ZNF148: variants seen among roughly 807,000 people sequenced by gnomAD.
The protein encoded by ZNF148 is Beta-Enolase Repressor Factor-1.
ZNF148 carries 7 observed loss-of-function variants against 67.7 expected under a neutral mutation model. That is an observed-to-expected ratio of 0.10 (90% CI 0.06 to 0.19). The LOEUF (loss-of-function observed/expected upper bound fraction) is 0.19, where lower values mean the gene tolerates loss of function less well. Among genes scored for constraint, ZNF148 ranks in the 10% least tolerant of loss-of-function variants. The pLI is 1.00. For synonymous variants in ZNF148, 333 were observed against 330.7 expected (o/e 1.01, Z -0.08); for missense variants, 583 against 947.1 (o/e 0.62, Z 5.05).
chr3:125,296,958 A>C (rs1350019338), intron 4 of ZNF148, among the ~76,000 whole-genome samples: 2 of 152,074 alleles, frequency 1.3e-5, no homozygotes. Context: ...TACATAGAAA[A>C]AAAAACAAAA....
chr3:125,341,633 A>C (rs1941727666), intron 1 of ZNF148, among the ~76,000 whole-genome samples: 1 of 152,118 alleles, frequency 6.6e-6, no homozygotes, highest in African/African-American at 2.4e-5. Flanking sequence ...GCAAATAAAT[A>C]AAAACTAAAA....
intron 1 of ZNF148, among the ~76,000 whole-genome samples, chr3:125,342,000 G>GAGGA (rs1491297796): frequency 1.3e-5 from 1 of 75,938 alleles, no homozygotes; most frequent in Non-Finnish European, 2.8e-5. Flanking sequence ...GTTTCGGGGC[G>GAGGA]GGGGGGGGAA....
chr3:125,341,187 G>A (rs2107734854), intron 1 of ZNF148, among the ~76,000 whole-genome samples: 1 of 148,774 alleles, frequency 6.7e-6, no homozygotes, highest in Non-Finnish European at 1.5e-5. Context: ...AAAAAAAACA[G>A]CCATAATAAA....
intron 1 of ZNF148, among the ~76,000 whole-genome samples, chr3:125,348,214 G>A (rs1020948187): frequency 1.3e-5 from 2 of 152,044 alleles, no homozygotes; most frequent in African/African-American, 2.4e-5. Context: ...AGCCTTGATC[G>A]TGCCACTGCA....
intron 7 of ZNF148, among the ~76,000 whole-genome samples, chr3:125,251,869 T>C (rs1936855447): frequency 6.6e-6 from 1 of 152,192 alleles, no homozygotes; most frequent in South Asian, 2.1e-4. Flanking sequence ...TCTCCACAGA[T>C]TACCGAAGTG....
At chr3:125,247,928 A>G (rs1020089687) in intron 7 of ZNF148, among the ~76,000 whole-genome samples, 1 of 152,172 alleles carries the variant, frequency 6.6e-6, no homozygotes, top group Non-Finnish European at 1.5e-5. Flanking sequence ...CAAAAAAACC[A>G]TTGTCCTAAT....
At chr3:125,363,638 A>G (rs1380349065) in intron 1 of ZNF148, among the ~76,000 whole-genome samples, 2 of 150,640 alleles carry the variant, frequency 1.3e-5, no homozygotes, top group East Asian at 3.9e-4. Context: ...TACCCAACTT[A>G]TACCCTCAAT....
chr3:125,357,777 A>G (rs1942407755), intron 1 of ZNF148: 1 of 152,262 alleles, frequency 6.6e-6, no homozygotes, highest in African/African-American at 2.4e-5. Context: ...TCCTTAAAGA[A>G]CCAGTTATCA....
intron 1 of ZNF148, among the ~76,000 whole-genome samples, chr3:125,368,674 A>G (rs188229951): frequency 1.1e-4 from 17 of 152,250 alleles, no homozygotes; most frequent in Admixed American, 2.6e-4. Flanking sequence ...GCCGGGTGTG[A>G]TGACTCATGC....
chr3:125,253,572 T>C (rs1383318686), intron 7 of ZNF148, among the ~76,000 whole-genome samples: 2 of 152,188 alleles, frequency 1.3e-5, no homozygotes, highest in Admixed American at 6.5e-5. Context: ...TTGTTATAGA[T>C]GTTTGCTACA....
At position 125,323,578 on chromosome 3, in the gene ZNF148, C is replaced by A; in HGVS notation, c.-152-134G>T. On this transcript the variant is annotated intron_variant, in intron 2 of 8. Transcript: ENST00000360647. ...ATACAGTAAGTTATGACTGAATGAC[C>A]AATGTACTGACTTGTTTTTATGTTT... 6.2e-6 allele frequency: 3 copies of A among 484,568 alleles called. No individual in the cohort carries two copies. In the East Asian group the frequency reaches 9.9e-5, roughly 16 times the overall value. 30.0% of individuals were successfully genotyped at this position (484,568 alleles called of 1,614,324 possible). A position where few individuals can be genotyped will look rare whatever the true frequency, so the allele number is the denominator to read the frequency against.
chr3:125,362,946 C>A (rs1217311050), intron 1 of ZNF148, among the ~76,000 whole-genome samples: 15 of 152,124 alleles, frequency 9.9e-5, no homozygotes, highest in Non-Finnish European at 1.0e-4. Flanking sequence ...CTGGTTGTTT[C>A]TTCTATCTGA....
intron 4 of ZNF148, among the ~76,000 whole-genome samples, chr3:125,308,180 A>G (rs1290337297): frequency 2.6e-5 from 4 of 152,232 alleles, no homozygotes; most frequent in Non-Finnish European, 5.9e-5. Flanking sequence ...TACTATAACT[A>G]ATCAGTAAAG....
chr3:125,286,253 G>C (rs1341873608), intron 5 of ZNF148, among the ~76,000 whole-genome samples: 1 of 152,242 alleles, frequency 6.6e-6, no homozygotes, highest in Admixed American at 6.5e-5. Context: ...AAAAGAAGTG[G>C]AGGGAGAGGG....
intron 4 of ZNF148, among the ~76,000 whole-genome samples, chr3:125,303,601 C>T (rs1326025878): frequency 6.6e-6 from 1 of 152,172 alleles, no homozygotes; most frequent in Non-Finnish European, 1.5e-5. Flanking sequence ...AATTGATGAT[C>T]TGTCACTGTC....
chr3:125,298,261 T>C (rs1939387654), intron 4 of ZNF148, among the ~76,000 whole-genome samples: 1 of 152,018 alleles, frequency 6.6e-6, no homozygotes, highest in Admixed American at 6.6e-5. Flanking sequence ...AATCAAGATG[T>C]ACTCTTATGA....
At chr3:125,269,205 CAAAAA>C (rs71148173) in intron 7 of ZNF148, among the ~76,000 whole-genome samples, 8 of 96,870 alleles carry the variant, frequency 8.3e-5, no homozygotes, top group African/African-American at 2.9e-4. Flanking sequence ...CGGTCTCTAC[CAAAAA>C]AAAAAAAAAA....
intron 4 of ZNF148, among the ~76,000 whole-genome samples, chr3:125,307,454 T>C (rs62270336): frequency 0.54 from 81,273 of 151,222 alleles, 22,946 homozygotes; most frequent in Middle Eastern, 0.67. Flanking sequence ...AGGCGCTTGC[T>C]ACCACGCCCG....
intron 7 of ZNF148, among the ~76,000 whole-genome samples, chr3:125,242,429 T>C (rs1223176555): frequency 3.3e-5 from 5 of 152,144 alleles, no homozygotes; most frequent in African/African-American, 1.2e-4. Context: ...GAGACCAGCT[T>C]GGCCAACATG....
Sources: allele counts gnomAD v4.1 joint callset (sites outside exome capture counted in the v4.1 genomes callset), GRCh38; gene constraint gnomAD v4.1.1; transcripts MANE v1.5; gene names NCBI Gene and HGNC (gene_info 2026-07-23, HGNC 2026-07-21).